ANK2: variants seen among roughly 807,000 people sequenced by gnomAD.
The protein encoded by ANK2 is ankyrin 2, also known as ankyrin-2.
ANK2 carries 83 observed loss-of-function variants against 360.5 expected under a neutral mutation model. The ratio of observed to expected loss-of-function variants is 0.23; its 90% CI spans 0.19 to 0.28. ANK2 has a LOEUF of 0.28. ANK2 is among the 10% of genes least tolerant of loss of function. The pLI is 1.00. For missense variants in ANK2, 4,201 were observed against 4,795.7 expected, an observed-to-expected ratio of 0.88 and a Z score of 3.66; for synonymous variants, 1,740 against 1,759.5, an observed-to-expected ratio of 0.99 and a Z score of 0.28.
At chr4:113,329,152 T>A (rs2091533770) in intron 26 of ANK2, among the ~76,000 whole-genome samples, 1 of 152,250 alleles carries the variant, frequency 6.6e-6, no homozygotes, top group African/African-American at 2.4e-5. Flanking sequence ...TGTATACGTA[T>A]ACACAACACT....
At chr4:113,338,609 G>C (rs1174984104) in intron 31 of ANK2, among the ~76,000 whole-genome samples, 2 of 141,800 alleles carry the variant, frequency 1.4e-5, no homozygotes, top group African/African-American at 5.7e-5. Flanking sequence ...GAGTGCAGTG[G>C]CACAATCTCG....
At chr4:112,955,542 T>C (rs185585795) in intron 2 of ANK2, among the ~76,000 whole-genome samples, 10 of 135,816 alleles carry the variant, frequency 7.4e-5, no homozygotes, top group Admixed American at 5.8e-4. Flanking sequence ...AAAAAGGTTG[T>C]TTTTTTTTTT....
intron 2 of ANK2, among the ~76,000 whole-genome samples, chr4:113,025,507 A>G (rs2059092241): frequency 6.6e-6 from 1 of 152,168 alleles, no homozygotes; most frequent in African/African-American, 2.4e-5. Flanking sequence ...ATAAACTCCA[A>G]ATTCCTGGCA....
chr4:113,329,372 T>C (rs184250514), intron 26 of ANK2, among the ~76,000 whole-genome samples: 119 of 152,346 alleles, frequency 7.8e-4, no homozygotes, highest in African/African-American at 2.7e-3. Flanking sequence ...ATTATAGTTC[T>C]CCTTTTTCAT....
the ANK2 span, among the ~76,000 whole-genome samples, chr4:112,744,114 G>A: frequency 1.3e-5 from 2 of 152,032 alleles, no homozygotes; most frequent in African/African-American, 4.8e-5. Flanking sequence ...GAGCCACCAG[G>A]CCCGGACATT....
the ANK2 span, among the ~76,000 whole-genome samples, chr4:112,770,953 C>T: frequency 6.6e-6 from 1 of 152,158 alleles, no homozygotes; most frequent in African/African-American, 2.4e-5. Flanking sequence ...ATAACTCGAC[C>T]TTGGGTGTGA....
At chr4:113,088,450 T>C (rs2085984986) in intron 1 of ANK2, among the ~76,000 whole-genome samples, 1 of 152,174 alleles carries the variant, frequency 6.6e-6, no homozygotes, top group Non-Finnish European at 1.5e-5. Flanking sequence ...AGTGGAAGCG[T>C]TTACCTATAT....
the ANK2 span, among the ~76,000 whole-genome samples, chr4:112,725,495 G>T: frequency 6.6e-6 from 1 of 150,684 alleles, no homozygotes. Flanking sequence ...CGAGTAGCTG[G>T]GACTACAGAT....
At chr4:113,192,498 G>A (rs1242661497) in intron 2 of ANK2, among the ~76,000 whole-genome samples, 1 of 152,052 alleles carries the variant, frequency 6.6e-6, no homozygotes, top group African/African-American at 2.4e-5. Flanking sequence ...TTTATGACCC[G>A]TTTATGCATC....
chr4:113,167,948 C>T (rs2097805561), intron 1 of ANK2, among the ~76,000 whole-genome samples: 1 of 152,094 alleles, frequency 6.6e-6, no homozygotes, highest in South Asian at 2.1e-4. Context: ...ATTCCTATTC[C>T]CACTGCTGTA....
chr4:112,716,435 G>A, the ANK2 span, among the ~76,000 whole-genome samples: 1 of 152,100 alleles, frequency 6.6e-6, no homozygotes, highest in African/African-American at 2.4e-5. Flanking sequence ...TATAATGTTA[G>A]TGTAAGTGCT....
chr4:112,842,001 T>G (rs1261719938), intron 1 of ANK2, among the ~76,000 whole-genome samples: 1 of 152,074 alleles, frequency 6.6e-6, no homozygotes, highest in Non-Finnish European at 1.5e-5. Context: ...CCAAAATTAT[T>G]TTCTTTTTCT....
intron 4 of ANK2, among the ~76,000 whole-genome samples, chr4:113,226,578 A>C (rs1035490665): frequency 1.3e-5 from 2 of 152,204 alleles, no homozygotes; most frequent in African/African-American, 4.8e-5. Flanking sequence ...ATAGGTGTTC[A>C]CTAAAGTGTA....
At chr4:113,043,783 G>GAAA (rs1348384222) in intron 2 of ANK2, among the ~76,000 whole-genome samples, 1 of 152,138 alleles carries the variant, frequency 6.6e-6, no homozygotes, top group Non-Finnish European at 1.5e-5. Flanking sequence ...AGACTACCAT[G>GAAA]GTCAGAACAA....
At chr4:112,826,536 A>C (rs906485075) in intron 1 of ANK2, 1 of 1,399,356 alleles carries the variant, frequency 7.1e-7, no homozygotes, top group Non-Finnish European at 1.0e-6. Flanking sequence ...TCCAATGCAA[A>C]TCAAACTTGC....
chr4:113,189,617 G>A (rs905181392), intron 2 of ANK2, among the ~76,000 whole-genome samples: 1 of 152,078 alleles, frequency 6.6e-6, no homozygotes, highest in African/African-American at 2.4e-5. Context: ...TTCTTTACTT[G>A]TGCCTCATTA....
chr4:113,359,316 G>A lies in ANK2; in HGVS notation c.10681+17G>A, dbSNP rs750429148. On this transcript the variant is annotated intron_variant, in intron 38 of 45. Transcript: ENST00000357077. ...ATGCTGAAGGTATTTGCCAGCCACC[G>A]GGATTCCCTGTGCTACGCATGTCAT... 17 of 1,612,832 alleles carry A rather than the reference G, an allele frequency of 1.1e-5. No homozygotes were observed. The highest frequency in any genetic ancestry group is 1.4e-5 in the Non-Finnish European group (16 of 1,179,764).
intron 1 of ANK2, among the ~76,000 whole-genome samples, chr4:112,836,485 G>T (rs1412587233): frequency 1.3e-5 from 2 of 152,224 alleles, no homozygotes; most frequent in Non-Finnish European, 2.9e-5. Context: ...GGTAGAGTTT[G>T]AAAGAGTTTT....
At chr4:113,075,947 C>T (rs1282913793) in intron 1 of ANK2, among the ~76,000 whole-genome samples, 2 of 152,082 alleles carry the variant, frequency 1.3e-5, no homozygotes, top group Non-Finnish European at 2.9e-5. Context: ...GGATGTTGCT[C>T]AAAATAGATA....
Sources: gnomAD v4.1 joint callset for allele counts (sites outside exome capture counted in the v4.1 genomes callset) on GRCh38, gnomAD v4.1.1 for gene constraint, MANE v1.5 for transcripts, NCBI Gene and HGNC (gene_info 2026-07-23, HGNC 2026-07-21) for gene names.